CSPG4: variants seen among roughly 807,000 people sequenced by gnomAD.
CSPG4 encodes the protein chondroitin sulfate proteoglycan 4 (melanoma-associated).
CSPG4 carries 74 observed loss-of-function variants against 139.3 expected under a neutral mutation model. That is an observed-to-expected ratio of 0.53 (90% CI 0.44 to 0.64). The LOEUF (loss-of-function observed/expected upper bound fraction) is 0.64, where lower values mean the gene tolerates loss of function less well. Ranked by LOEUF, CSPG4 falls within the 30% of genes least tolerant of loss-of-function variation. CSPG4 has a pLI of 0.00. For missense variants in CSPG4, 2,565 were observed against 3,148.3 expected, an observed-to-expected ratio of 0.81 and a Z score of 4.43; for synonymous variants, 1,234 against 1,394.2, an observed-to-expected ratio of 0.89 and a Z score of 2.56.
chr15:75,682,824 C>A lies in CSPG4; in HGVS notation c.4648+19G>T. The A allele has an allele frequency of 6.2e-6, 10 of 1,605,878 alleles. No individual in the cohort carries two copies. The highest frequency in any genetic ancestry group is 8.5e-6 in the Non-Finnish European group (10 of 1,176,010). The stretch of plus-strand genomic sequence containing the variant: ...CCCCGTGGGCAGCAGGAACCCGAGG[C>A]CCGGCCCTCAGCACCCACCTCTGTG... On this transcript the variant is annotated intron_variant, in intron 6 of 9. Transcript: ENST00000308508.
In CSPG4 at chr15:75,676,330, C is replaced by T. The variant is rs778576621; in HGVS notation, c.6189G>A (p.Leu2063=). Residue 2063 remains leucine, a synonymous_variant, in exon 10 of 10, where the codon CTG becomes CTA. Transcript: ENST00000308508. ...GPWPQGATLR[L]DPTVLDAGEL... ...CGCCAGCATCTAGGACGGTGGGGTC[C>T]AGGCGCAGGGTGGCACCCTGGGGCC... 1.9e-6 allele frequency: 3 copies of T among 1,611,790 alleles called. No homozygotes were observed. The African/African-American group carries it at 4.0e-5, about 22-fold the overall frequency.
At chr15:75,695,877 T>C (rs1894220924) in intron 1 of CSPG4, among the ~76,000 whole-genome samples, 1 of 152,086 alleles carries the variant, frequency 6.6e-6, no homozygotes, top group African/African-American at 2.4e-5. Flanking sequence ...TAGGAGGGTT[T>C]CTGCTCCATC....
At position 75,682,867 on chromosome 15, in the gene CSPG4, C is replaced by T. The variant is rs374291734; in HGVS notation, c.4624G>A (p.Gly1542Arg). 11 of 1,609,860 alleles carry T rather than the reference C, an allele frequency of 6.8e-6. No homozygotes were observed. The highest frequency in any genetic ancestry group is 2.2e-5 in the East Asian group (1 of 44,854). Residue 1542 changes from glycine (G) to arginine (R), a missense_variant, in exon 6 of 10, where the codon GGG becomes AGG. This residue lies in a region of CSPG4 where 2,316 missense variants were observed against 2,818.2 expected (regional missense o/e 0.82). Transcript: ENST00000308508. ...CCTCTGTGTGAGAACAGCACGAGCC[C>T]GCCGTCCAGCTGGGCCTGCGTGAAG... Reference protein sequence around the residue: ...RSFTQAQLDGGLVLFSHRGTL... With the variant: ...RSFTQAQLDGRLVLFSHRGTL...
chr15:75,699,483 G>A (rs1330311635), intron 1 of CSPG4, among the ~76,000 whole-genome samples: 3 of 152,198 alleles, frequency 2.0e-5, no homozygotes, highest in Admixed American at 6.5e-5. Flanking sequence ...AGGGGCATGT[G>A]CTGGGGAACA....
rs1894462095 is a variant in CSPG4 at position 75,712,684 on chromosome 15, G to A, written c.72C>T (p.Ala24=). Residue 24 remains alanine, a synonymous_variant, in exon 1 of 10, where the codon GCC becomes GCT. Transcript: ENST00000308508. Reference sequence around the variant, plus strand: ...CTCACTCACCCGCGGATGCAAGTCTGGCCAACATAGTCAGGGTCAAAGCCA... The same window carrying A: ...CTCACTCACCCGCGGATGCAAGTCTAGCCAACATAGTCAGGGTCAAAGCCA... ...LALALTLTML[A]RLASAASFFG... 4 of 1,564,400 alleles carry A rather than the reference G, an allele frequency of 2.6e-6. No individual in the cohort carries two copies. The highest frequency in any genetic ancestry group is 1.3e-5 in the African/African-American group (1 of 74,078).
chr15:75,690,753 C>T lies in CSPG4; in HGVS notation c.312G>A (p.Leu104=), dbSNP rs1316184857. 2 of 1,613,042 alleles carry T rather than the reference C, an allele frequency of 1.2e-6. No homozygotes were observed. The highest frequency in any genetic ancestry group is 1.7e-5 in the Admixed American group (1 of 59,998). ...CCACAGTGTGGGGGATGGAGTCACTCAGCAGCGTCTCTGCTGGAGTCTGCA... is the reference window on the plus strand; with the variant it reads ...CCACAGTGTGGGGGATGGAGTCACTTAGCAGCGTCTCTGCTGGAGTCTGCA... ...LRLQTPAETL[L]SDSIPHTVVL... The change falls in exon 3 of 10, where the codon CTG becomes CTA. Residue 104 remains leucine (L), a synonymous_variant. Coordinates refer to ENST00000308508, the MANE Select transcript of CSPG4 (RefSeq NM_001897.5).
At position 75,674,535 on chromosome 15, in the gene CSPG4, C is replaced by A. The variant is rs930606157; in HGVS notation, c.*1015G>T. 2.6e-6 allele frequency: 1 copy of A among 389,292 alleles called. No homozygotes were observed. The highest frequency in any genetic ancestry group is 4.5e-6 in the Non-Finnish European group (1 of 220,428). The allele number at this position is 389,292 out of a possible 1,614,324, so 24.1% of individuals were successfully genotyped here. ...TCCATCCCACTGGCTGAGGCCAGGC[C>A]GGAGGGCCGACCCCAGGGGCCCTCT... On this transcript the variant is annotated 3_prime_UTR_variant, in exon 10 of 10. Coordinates refer to ENST00000308508, the MANE Select transcript of CSPG4 (RefSeq NM_001897.5).
At chr15:75,708,037 C>A (rs879730609) in intron 1 of CSPG4, among the ~76,000 whole-genome samples, 4 of 149,480 alleles carry the variant, frequency 2.7e-5, no homozygotes, top group African/African-American at 9.8e-5. Context: ...TGTCTGAGCC[C>A]GGGTTTCCCC....
rs893178549 is a variant in CSPG4, at chr15:75,674,980, G to C, written c.*570C>G. ...GCACCCTGAATATATTATCCTATTG[G>C]CTTATGCCTTCTAGACTGGAGGCGC... On this transcript the variant is annotated 3_prime_UTR_variant, in exon 10 of 10. Coordinates refer to ENST00000308508, the MANE Select transcript of CSPG4 (RefSeq NM_001897.5). The C allele has an allele frequency of 5.1e-6, 2 of 395,876 alleles. No homozygotes were observed. The highest frequency in any genetic ancestry group is 8.9e-6 in the Non-Finnish European group (2 of 225,016). 24.5% of individuals were successfully genotyped at this position (395,876 alleles called of 1,614,324 possible).
At position 75,677,236 on chromosome 15, in the gene CSPG4, C is replaced by G; in HGVS notation, c.5283G>C (p.Leu1761Phe). 1.3e-6 allele frequency: 2 copies of G among 1,486,044 alleles called. No individual in the cohort carries two copies. Among genetic ancestry groups the G allele is most frequent in the Non-Finnish European group, 1.8e-6 (2 of 1,113,928 alleles). 92.1% of individuals were successfully genotyped at this position (1,486,044 alleles called of 1,614,324 possible). Reference protein sequence around the residue: ...VTQFPSRGQLLVSEEPLHAGQ... With the variant: ...VTQFPSRGQLFVSEEPLHAGQ... ...CAGCATGGAGGGGCTCCTCGGACACCAACAGCTGGCCCCGGCTGGGGAACT... is the reference window on the plus strand; with the variant it reads ...CAGCATGGAGGGGCTCCTCGGACACGAACAGCTGGCCCCGGCTGGGGAACT... Residue 1761 changes from leucine (L) to phenylalanine (F), a missense_variant, in exon 10 of 10, where the codon TTG (leucine) becomes TTC (phenylalanine). By Grantham distance (22) the Leu-to-Phe change is conservative. Around this residue, in one of 5 missense-constraint regions of CSPG4, gnomAD observed 2,316 missense variants for 2,818.2 expected, o/e 0.82. Transcript: ENST00000308508.
At chr15:75,695,498 A>G (rs1254898740) in intron 1 of CSPG4, among the ~76,000 whole-genome samples, 1 of 152,134 alleles carries the variant, frequency 6.6e-6, no homozygotes, top group Non-Finnish European at 1.5e-5. Flanking sequence ...GCGCGTGGCC[A>G]GGCAGCCCCC....
Position 75,676,516 on chromosome 15 carries a change from G to T in CSPG4, c.6003C>A (p.Ser2001Arg), listed in dbSNP as rs777821237. The T allele has an allele frequency of 3.1e-6, 5 of 1,613,866 alleles. No individual in the cohort carries two copies. The highest frequency in any genetic ancestry group is 3.4e-6 in the Non-Finnish European group (4 of 1,180,012). ...LVGGRPTSAF[S>R]QFQIDQGEVV... ...CCTCGCCCTGGTCTATCTGGAATTG[G>T]CTGAAGGCCGAGGTGGGCCGCCCGC... Residue 2001 changes from serine to arginine, a missense_variant, in exon 10 of 10, where the codon AGC becomes AGA. Around this residue, in one of 5 missense-constraint regions of CSPG4, gnomAD observed 2,316 missense variants for 2,818.2 expected, o/e 0.82. Coordinates refer to ENST00000308508, the MANE Select transcript of CSPG4 (RefSeq NM_001897.5).
chr15:75,707,823 C>G (rs1313340356), intron 1 of CSPG4, among the ~76,000 whole-genome samples: 1 of 152,132 alleles, frequency 6.6e-6, no homozygotes, highest in Non-Finnish European at 1.5e-5. Flanking sequence ...CTGGTTGGCT[C>G]AGTGATCTCT....
Position 75,689,112 on chromosome 15 carries a change from C to CG in CSPG4, c.1952dup (p.Ala652GlyfsTer73). 3 of 1,602,390 alleles carry CG rather than the reference C, an allele frequency of 1.9e-6. No individual in the cohort carries two copies. On this transcript the variant is annotated frameshift_variant, in exon 3 of 10. Coordinates refer to ENST00000308508, the MANE Select transcript of CSPG4 (RefSeq NM_001897.5). LOFTEE classifies it high-confidence loss of function. ...GGATGGCCACCACCTTCAGCGTGGC[C>CG]GGGGGGCTGGCCTGCAGTCCATCGC...
At chr15:75,678,871 CTCT>C (rs1383308357) in intron 8 of CSPG4, 2 of 442,516 alleles carry the variant, frequency 4.5e-6, no homozygotes, top group African/African-American at 2.0e-5. Context: ...TCTCAGCCTC[CTCT>C]TAACTGCTCA....
In CSPG4 at chr15:75,683,087, A is replaced by T. The variant is rs1362860351; in HGVS notation, c.4450-46T>A. ...AGGTTCTGCCTTGCCGCACTCACCC[A>T]CCCCTTCCTCCCCGGCCCTGGGCTG... On this transcript the variant is annotated intron_variant, in intron 5 of 9. Coordinates refer to ENST00000308508, the MANE Select transcript of CSPG4 (RefSeq NM_001897.5). 9.0e-6 allele frequency: 14 copies of T among 1,562,102 alleles called. No individual in the cohort carries two copies. In the East Asian group the frequency reaches 3.0e-4, roughly 34 times the overall value.
Position 75,677,375 on chromosome 15 carries a change from AC to A in CSPG4, c.5143del (p.Val1715SerfsTer70). Reference sequence around the variant, plus strand: ...GATCCTGGCCCGCTGGCCCTCGGGGACCCAGAGACCTGGGGGTGGGACATAG... The same window carrying A: ...GATCCTGGCCCGCTGGCCCTCGGGGACCAGAGACCTGGGGGTGGGACATAG... ...SHLWKNKGLW[V>X]PEGQRARITV... On this transcript the variant is annotated frameshift_variant, in exon 10 of 10. Transcript: ENST00000308508. LOFTEE classifies it low-confidence loss of function (END_TRUNC). The A allele has an allele frequency of 7.2e-7, 1 of 1,393,306 alleles. No homozygotes were observed. The highest frequency in any genetic ancestry group is 9.3e-7 in the Non-Finnish European group (1 of 1,070,660). 86.3% of individuals were successfully genotyped at this position (1,393,306 alleles called of 1,614,324 possible). A position where few individuals can be genotyped will look rare whatever the true frequency, so the allele number is the denominator to read the frequency against.
At position 75,689,565 on chromosome 15, in the gene CSPG4, C is replaced by T; in HGVS notation, c.1500G>A (p.Val500=). 1.2e-6 allele frequency: 2 copies of T among 1,612,720 alleles called. No individual in the cohort carries two copies. The highest frequency in any genetic ancestry group is 1.7e-6 in the Non-Finnish European group (2 of 1,179,794). ...CGTGGATGAAGCGGGCCTTGCGGTT[C>T]ACCACGTCCAGGAGGGTGAACATTT... ...ARKMFTLLDV[V]NRKARFIHDG... is the part of the protein sequence containing the mutation. The change falls in exon 3 of 10, where the codon GTG becomes GTA. Residue 500 remains valine, a synonymous_variant. Transcript: ENST00000308508.
intron 8 of CSPG4, 71 bp downstream of exon 8, chr15:75,682,222 T>G: frequency 6.5e-7 from 1 of 1,532,472 alleles, no homozygotes. Context: ...CATGTCCACA[T>G]GATGTCCATG....
Sources: allele counts gnomAD v4.1 joint callset (sites outside exome capture counted in the v4.1 genomes callset), GRCh38; gene constraint gnomAD v4.1.1; regional missense constraint gnomAD v4.1.1; transcripts MANE v1.5; gene names NCBI Gene and HGNC (gene_info 2026-07-23, HGNC 2026-07-21).